Variants in TRIM71 observed in about 807,000 individuals in gnomAD.
The protein encoded by TRIM71 is E3 ubiquitin-protein ligase TRIM71.
A neutral mutation model predicts 61.2 loss-of-function variants in TRIM71; 9 were observed. That is an observed-to-expected ratio of 0.15 (90% CI 0.09 to 0.26). TRIM71 has a LOEUF of 0.26. Among genes scored for constraint, TRIM71 ranks in the 10% least tolerant of loss-of-function variants. TRIM71 has a pLI of 1.00. For synonymous variants in TRIM71, 645 were observed against 553.2 expected, an observed-to-expected ratio of 1.17 and a Z score of -2.33; for missense variants, 998 against 1,238.7, an observed-to-expected ratio of 0.81 and a Z score of 2.92.
chr3:32,842,762 T>A lies in TRIM71; in HGVS notation c.852+23830T>A, dbSNP rs530291038. ...CAGGTGTAGGCTCTTCTGATCCCCATCTCCCCACCCCCACCCAAGAACCCT... is the reference window on the plus strand; with the variant it reads ...CAGGTGTAGGCTCTTCTGATCCCCAACTCCCCACCCCCACCCAAGAACCCT... On this transcript the variant is annotated intron_variant, in intron 1 of 3. Transcript: ENST00000383763. Among the ~76,000 whole-genome samples the A allele has an allele frequency of 5.9e-5, 9 of 152,158 alleles. No homozygotes were observed. The East Asian group carries it at 9.7e-4, about 16-fold the overall frequency.
chr3:32,887,982 T>C (rs968796555), intron 3 of TRIM71, among the ~76,000 whole-genome samples: 1 of 152,212 alleles, frequency 6.6e-6, no homozygotes, highest in Non-Finnish European at 1.5e-5. Context: ...GTCATGGTCC[T>C]CTGTGAAAAC....
chr3:32,879,554 G>A (rs2125690510), intron 2 of TRIM71, among the ~76,000 whole-genome samples: 1 of 151,948 alleles, frequency 6.6e-6, no homozygotes, highest in South Asian at 2.1e-4. Context: ...AAATAATAAT[G>A]AAAAGTTTGA....
chr3:32,890,175 G>C lies in TRIM71; in HGVS notation c.1156-185G>C, dbSNP rs1003010338. Among the ~76,000 whole-genome samples, 2 of 152,134 alleles carry C rather than the reference G, an allele frequency of 1.3e-5. No individual in the cohort carries two copies. Among genetic ancestry groups the C allele is most frequent in the Non-Finnish European group, 2.9e-5 (2 of 68,028 alleles). ...TAACTATCCTCTGTAACCCAGAACA[G>C]TTCTTCAGGTTTTTTGGTCCATTTT... is the stretch of plus-strand genomic sequence containing the variant. On this transcript the variant is annotated intron_variant, in intron 3 of 3. Coordinates refer to ENST00000383763, the MANE Select transcript of TRIM71 (RefSeq NM_001039111.3). The surrounding 1 kb of genome is among the most constrained non-coding windows in gnomAD (Gnocchi z 6.2).
At chr3:32,884,711 T>C (rs1575359962) in intron 2 of TRIM71, among the ~76,000 whole-genome samples, 3 of 152,124 alleles carry the variant, frequency 2.0e-5, no homozygotes, top group African/African-American at 7.2e-5. Context: ...ATAGTGGTGG[T>C]GATTATACAA....
rs1405340987 is a variant in TRIM71, at chr3:32,886,133, C to T, written c.1155+65C>T. Reference sequence around the variant, plus strand: ...GGCTTCCATGAACCTCAGCAGCACTCTACGGGACTCTTTACAGATCCAGGA... The same window carrying T: ...GGCTTCCATGAACCTCAGCAGCACTTTACGGGACTCTTTACAGATCCAGGA... On this transcript the variant is annotated intron_variant, in intron 3 of 3. Coordinates refer to ENST00000383763, the MANE Select transcript of TRIM71 (RefSeq NM_001039111.3). The T allele has an allele frequency of 7.9e-6, 12 of 1,510,528 alleles. No individual in the cohort carries two copies. The Admixed American group carries it at 2.5e-4, about 32-fold the overall frequency. 93.6% of individuals were successfully genotyped at this position (1,510,528 alleles called of 1,614,324 possible). A position where few individuals can be genotyped will look rare whatever the true frequency, so the allele number is the denominator to read the frequency against.
intron 1 of TRIM71, among the ~76,000 whole-genome samples, chr3:32,864,926 T>C (rs1285011907): frequency 6.6e-6 from 1 of 151,058 alleles, no homozygotes. Flanking sequence ...TAATTTTAGC[T>C]CAACATGGGG....
chr3:32,819,813 T>C (rs1696107465), intron 1 of TRIM71, among the ~76,000 whole-genome samples: 1 of 152,164 alleles, frequency 6.6e-6, no homozygotes, highest in South Asian at 2.1e-4. Flanking sequence ...TCCACCCGGC[T>C]CAACCAGGGT....
chr3:32,829,252 T>A (rs182785159), intron 1 of TRIM71, among the ~76,000 whole-genome samples: 157 of 151,336 alleles, frequency 1.0e-3, no homozygotes, highest in African/African-American at 3.7e-3. Flanking sequence ...TGGCACGATC[T>A]TGGCTCACTG....
At chr3:32,821,778 G>C (rs938818123) in intron 1 of TRIM71, among the ~76,000 whole-genome samples, 5 of 151,498 alleles carry the variant, frequency 3.3e-5, no homozygotes, top group Admixed American at 3.3e-4. Flanking sequence ...GCGTGCCGCG[G>C]GTCCCGGGAG....
chr3:32,865,494 C>G (rs1179439540), intron 1 of TRIM71, among the ~76,000 whole-genome samples: 2 of 152,166 alleles, frequency 1.3e-5, no homozygotes, highest in Admixed American at 6.5e-5. Flanking sequence ...ATTCATGAAA[C>G]TACTTTGTCT....
chr3:32,861,218 C>A (rs1010548701), intron 1 of TRIM71, among the ~76,000 whole-genome samples: 1 of 151,284 alleles, frequency 6.6e-6, no homozygotes, highest in South Asian at 2.1e-4. Flanking sequence ...GTCTCTGTTG[C>A]CCAGGCCAGA....
chr3:32,850,699 C>T (rs535184164), intron 1 of TRIM71, among the ~76,000 whole-genome samples: 72 of 152,266 alleles, frequency 4.7e-4, no homozygotes, highest in African/African-American at 1.6e-3. Context: ...AGCTGAAATA[C>T]TGAGTGCAGG....
In TRIM71 at chr3:32,885,957, G is replaced by C; in HGVS notation, c.1044G>C (p.Thr348=). Residue 348 remains threonine (T), a synonymous_variant, in exon 3 of 4, where the codon ACG becomes ACC. Transcript: ENST00000383763. ...AIQLSIEQAQ[T]VAEQVEMKAK... ...AGCTGAGCATCGAGCAGGCCCAGAC[G>C]GTGGCGGAACAGGTGGAGATGAAGG... The C allele has an allele frequency of 6.2e-7, 1 of 1,614,038 alleles. No homozygotes were observed. Among genetic ancestry groups the C allele is most frequent in the Non-Finnish European group, 8.5e-7 (1 of 1,179,986 alleles).
chr3:32,889,409 C>CT (rs770043841), intron 3 of TRIM71, among the ~76,000 whole-genome samples: 57 of 152,140 alleles, frequency 3.7e-4, no homozygotes, highest in Non-Finnish European at 6.8e-4. Flanking sequence ...TCCCGAGTAG[C>CT]TGGGATTACA....
intron 1 of TRIM71, among the ~76,000 whole-genome samples, chr3:32,857,869 G>C (rs1030835566): frequency 6.6e-6 from 1 of 152,120 alleles, no homozygotes; most frequent in African/African-American, 2.4e-5. Context: ...TACTCTGGAG[G>C]CTGAGGCATG....
chr3:32,838,561 T>C (rs964141491), intron 1 of TRIM71, among the ~76,000 whole-genome samples: 2 of 146,498 alleles, frequency 1.4e-5, no homozygotes, highest in Non-Finnish European at 3.0e-5. Context: ...TTTAGGGGCA[T>C]GCAGTGGAGA....
chr3:32,872,503 C>T (rs1041245967), intron 1 of TRIM71, among the ~76,000 whole-genome samples: 8 of 152,128 alleles, frequency 5.3e-5, no homozygotes, highest in Non-Finnish European at 7.4e-5. Context: ...TGGAGCTCTC[C>T]GCCTAAGAAA....
At chr3:32,852,392 T>C (rs1245690415) in intron 1 of TRIM71, among the ~76,000 whole-genome samples, 1 of 152,088 alleles carries the variant, frequency 6.6e-6, no homozygotes, top group Non-Finnish European at 1.5e-5. Flanking sequence ...ATTTGAAGTA[T>C]TGGGAAGCAA....
In TRIM71 at chr3:32,891,163, C is replaced by T. The variant is rs184923688; in HGVS notation, c.1959C>T (p.Phe653=). ...CCCTGGGCTCCCGGCCTGGGCAGTT[C>T]GACCGACCAGCCGGCGTGGCCTGTG... The part of the protein sequence containing the change: ...FGTLGSRPGQ[F]DRPAGVACDA... The change falls in exon 4 of 4, where the codon TTC becomes TTT. Residue 653 remains phenylalanine (F), a synonymous_variant. Coordinates refer to ENST00000383763, the MANE Select transcript of TRIM71 (RefSeq NM_001039111.3). This position sits in a 1 kb window ranked among gnomAD's most constrained non-coding sequence, Gnocchi z 8.2. The T allele has an allele frequency of 1.8e-3, 2,957 of 1,613,286 alleles. 29 individuals are homozygous for T. Among genetic ancestry groups the T allele is most frequent in the Non-Finnish European group, 1.1e-3 (1,350 of 1,179,996 alleles).
Sources: gnomAD v4.1 joint callset for allele counts (sites outside exome capture counted in the v4.1 genomes callset) on GRCh38, gnomAD v4.1.1 for gene constraint, Gnocchi (gnomAD v3.1) non-coding constraint, MANE v1.5 for transcripts, NCBI Gene and HGNC (gene_info 2026-07-23, HGNC 2026-07-21) for gene names.